SLCO5A1: variants seen among roughly 807,000 people sequenced by gnomAD.
SLCO5A1 encodes organic anion transporter polypeptide-related protein 4.
A neutral mutation model predicts 65.1 loss-of-function variants in SLCO5A1; 39 were observed. That is an observed-to-expected ratio of 0.60 (90% CI 0.46 to 0.78). SLCO5A1 has a LOEUF of 0.78. Among genes scored for constraint, SLCO5A1 ranks in the 30% least tolerant of loss-of-function variants. SLCO5A1 has a pLI of 0.00. For synonymous variants in SLCO5A1, 438 were observed against 415.7 expected (o/e 1.05, Z -0.65); for missense variants, 1,029 against 1,069.4 (o/e 0.96, Z 0.53).
intron 5 of SLCO5A1, among the ~76,000 whole-genome samples, chr8:69,712,926 T>C (rs1222382675): frequency 1.3e-5 from 2 of 152,240 alleles, no homozygotes; most frequent in East Asian, 3.8e-4. Context: ...ATTTTACAAA[T>C]AGATAATCTA....
intron 7 of SLCO5A1, among the ~76,000 whole-genome samples, chr8:69,680,439 T>C (rs891270186): frequency 6.6e-6 from 1 of 152,222 alleles, no homozygotes; most frequent in Non-Finnish European, 1.5e-5. Flanking sequence ...TCCAGCTGCA[T>C]CCATGTTGCT....
chr8:69,780,732 C>T (rs767986291), intron 2 of SLCO5A1, among the ~76,000 whole-genome samples: 1 of 151,952 alleles, frequency 6.6e-6, no homozygotes. Context: ...CCTAAAAGGC[C>T]TAATTTCATC....
rs533923624 is a variant in SLCO5A1 at position 69,728,430 on chromosome 8, T to A, written c.1423+9610A>T. Among the ~76,000 whole-genome samples the A allele has an allele frequency of 8.1e-4, 123 of 152,218 alleles. No homozygotes were observed. In the South Asian group the frequency reaches 0.024, roughly 30 times the overall value. On this transcript the variant is annotated intron_variant, in intron 5 of 9. Coordinates refer to ENST00000260126, the MANE Select transcript of SLCO5A1 (RefSeq NM_030958.3). Reference sequence around the variant, plus strand: ...TTTAAATACAAATTTAACTTTAAAATTTTAAAAAGGTAATTCTAAAATTAA... The same window carrying A: ...TTTAAATACAAATTTAACTTTAAAAATTTAAAAAGGTAATTCTAAAATTAA...
At chr8:69,685,459 T>C (rs937443753) in intron 6 of SLCO5A1, among the ~76,000 whole-genome samples, 5 of 152,200 alleles carry the variant, frequency 3.3e-5, no homozygotes, top group Non-Finnish European at 7.3e-5. Context: ...AAAGCATTTC[T>C]GGCAAGACAT....
At chr8:69,771,849 G>A (rs903281366) in intron 2 of SLCO5A1, among the ~76,000 whole-genome samples, 1 of 152,218 alleles carries the variant, frequency 6.6e-6, no homozygotes, top group Non-Finnish European at 1.5e-5. Context: ...ACATTATCCA[G>A]TAATGAGAAA....
intron 6 of SLCO5A1, among the ~76,000 whole-genome samples, chr8:69,693,487 T>TTTATATA (rs1814363017): frequency 6.6e-6 from 1 of 152,224 alleles, no homozygotes; most frequent in East Asian, 1.9e-4. Context: ...TGAATGGAAC[T>TTTATATA]GGCTTATATA....
chr8:69,749,495 G>A (rs1817184280), intron 4 of SLCO5A1, among the ~76,000 whole-genome samples: 1 of 152,114 alleles, frequency 6.6e-6, no homozygotes, highest in Non-Finnish European at 1.5e-5. Flanking sequence ...GTGGGTGCCT[G>A]TAATCCCAAC....
chr8:69,797,682 C>T (rs1171313286), intron 2 of SLCO5A1, among the ~76,000 whole-genome samples: 2 of 152,214 alleles, frequency 1.3e-5, no homozygotes, highest in African/African-American at 4.8e-5. Context: ...GTCCCAGTCT[C>T]CCGTAGCACT....
chr8:69,756,902 A>G (rs1817562060), intron 3 of SLCO5A1, among the ~76,000 whole-genome samples: 1 of 152,226 alleles, frequency 6.6e-6, no homozygotes, highest in Non-Finnish European at 1.5e-5. Flanking sequence ...CCACGTTCTA[A>G]CTATGATTCC....
rs1470450013 is a variant in SLCO5A1, at chr8:69,832,109, C to A, written c.565G>T (p.Gly189Cys). The change falls in exon 2 of 10, where the codon GGC becomes TGC. Residue 189 changes from glycine (G) to cysteine (C), a missense_variant. Physicochemically the swap from Gly to Cys is radical, Grantham distance 159. This residue lies in a region of SLCO5A1 where 647 missense variants were observed against 647.5 expected (regional missense o/e 1.00). Transcript: ENST00000260126. The surrounding 1 kb of genome is among the most constrained non-coding windows in gnomAD (Gnocchi z 4.5). Reference protein sequence around the residue: ...LVVVVFVSYFGGRGRRPLWLA... With the variant: ...LVVVVFVSYFCGRGRRPLWLA... Reference sequence around the variant, plus strand: ...CACAGGGGCCGCCGACCCCGGCCGCCGAAGTAGCTGACGAACACCACCACC... The same window carrying A: ...CACAGGGGCCGCCGACCCCGGCCGCAGAAGTAGCTGACGAACACCACCACC... 1.2e-6 allele frequency: 2 copies of A among 1,614,106 alleles called. No homozygotes were observed. Among genetic ancestry groups the A allele is most frequent in the Non-Finnish European group, 1.7e-6 (2 of 1,180,034 alleles).
At chr8:69,784,811 A>AAGAAAAAG (rs1554620797) in intron 2 of SLCO5A1, among the ~76,000 whole-genome samples, 12 of 70,930 alleles carry the variant, frequency 1.7e-4, no homozygotes, top group African/African-American at 9.4e-4. Flanking sequence ...GAAAGAAAGA[A>AAGAAAAAG]AAAGAAAGAA....
intron 5 of SLCO5A1, among the ~76,000 whole-genome samples, chr8:69,726,513 T>G (rs867540415): frequency 0.13 from 18,029 of 143,036 alleles, 1,248 homozygotes; most frequent in Non-Finnish European, 0.15. Flanking sequence ...TTTTTTTTTT[T>G]TGGGGGGACA....
At chr8:69,675,245 G>T (rs1021311464) in intron 9 of SLCO5A1, among the ~76,000 whole-genome samples, 2 of 150,622 alleles carry the variant, frequency 1.3e-5, no homozygotes, top group Non-Finnish European at 3.0e-5. Context: ...CTCCATCTCG[G>T]CTCACTGCAA....
chr8:69,682,558 A>G (rs953114147), intron 6 of SLCO5A1, among the ~76,000 whole-genome samples: 3 of 152,212 alleles, frequency 2.0e-5, no homozygotes, highest in African/African-American at 7.2e-5. Flanking sequence ...TACAGATTCA[A>G]TGCTTTTTAT....
intron 2 of SLCO5A1, among the ~76,000 whole-genome samples, chr8:69,807,850 C>T (rs1242065846): frequency 6.6e-6 from 1 of 152,090 alleles, no homozygotes; most frequent in African/African-American, 2.4e-5. Context: ...ACTACAGGCA[C>T]TCGCCACCAC....
Position 69,755,438 on chromosome 8 carries a change from C to T in SLCO5A1, c.1244G>A (p.Gly415Glu), listed in dbSNP as rs1252397102. ...ADKKVSSMGFGKDVRDLPRAA... is the reference protein window; with the variant it reads ...ADKKVSSMGFEKDVRDLPRAA... ...GTATACTTTACCTCTGACATCCTTT[C>T]CAAATCCCATCGAAGAAACTTTTTT... Residue 415 changes from glycine (G) to glutamate (E), a missense_variant, in exon 4 of 10, where the codon GGA becomes GAA. By Grantham distance (98) the Gly-to-Glu change is moderately conservative (BLOSUM62 -2). This residue lies in a region of SLCO5A1 where 647 missense variants were observed against 647.5 expected (regional missense o/e 1.00). Coordinates refer to ENST00000260126, the MANE Select transcript of SLCO5A1 (RefSeq NM_030958.3). 1.2e-6 allele frequency: 2 copies of T among 1,613,520 alleles called. No individual in the cohort carries two copies. The highest frequency in any genetic ancestry group is 3.3e-5 in the Admixed American group (2 of 59,998).
At chr8:69,689,416 G>A (rs1437302768) in intron 6 of SLCO5A1, among the ~76,000 whole-genome samples, 4 of 104,404 alleles carry the variant, frequency 3.8e-5, no homozygotes, top group Non-Finnish European at 5.6e-5. Context: ...CCTTGCCCAT[G>A]GCTATGTCCT....
chr8:69,776,246 A>G (rs1162088869), intron 2 of SLCO5A1, among the ~76,000 whole-genome samples: 1 of 152,220 alleles, frequency 6.6e-6, no homozygotes, highest in Admixed American at 6.5e-5. Context: ...CATTAATAAT[A>G]AAGTGATTGT....
At chr8:69,708,130 A>C (rs1815057877) in intron 5 of SLCO5A1, among the ~76,000 whole-genome samples, 1 of 152,196 alleles carries the variant, frequency 6.6e-6, no homozygotes, top group African/African-American at 2.4e-5. Flanking sequence ...AACAAGTTGA[A>C]AATGAACAGC....
Sources: gnomAD v4.1 joint callset for allele counts (sites outside exome capture counted in the v4.1 genomes callset) on GRCh38, gnomAD v4.1.1 for gene constraint, gnomAD v4.1.1 regional missense constraint, Gnocchi (gnomAD v3.1) non-coding constraint, MANE v1.5 for transcripts, NCBI Gene and HGNC (gene_info 2026-07-23, HGNC 2026-07-21) for gene names.